KIF13A: variants seen among roughly 807,000 people sequenced by gnomAD.
KIF13A encodes the protein kinesin-like protein KIF13A.
In KIF13A, 79 loss-of-function variants were observed where a neutral mutation model predicts 212.2. That is an observed-to-expected ratio of 0.37 (90% CI 0.31 to 0.45). The LOEUF is 0.45. KIF13A is among the 20% of genes least tolerant of loss of function. KIF13A has a pLI of 1.00. For synonymous variants in KIF13A, 789 were observed against 808.6 expected, an observed-to-expected ratio of 0.98 and a Z score of 0.41; for missense variants, 1,901 against 2,209.0, an observed-to-expected ratio of 0.86 and a Z score of 2.79.
At chr6:17,812,615 T>C (rs1461687164) in intron 17 of KIF13A, 1 of 152,222 alleles carries the variant, frequency 6.6e-6, no homozygotes, top group Non-Finnish European at 1.5e-5. Context: ...TCTTTCCTAT[T>C]GTGAATAGCA....
In KIF13A at chr6:17,927,677, A is replaced by T. The variant is rs138843585; in HGVS notation, c.147-29497T>A. Among the ~76,000 whole-genome samples the T allele has an allele frequency of 1.6e-3, 244 of 152,350 alleles. 1 individual carries two copies. Among genetic ancestry groups the T allele is most frequent in the Admixed American group, 0.014 (211 of 15,298 alleles). ...GGCTAAAATGATCAATTTTAAGTAT[A>T]TTTTGCCACAATAAAAATATGAATC... On this transcript the variant is annotated intron_variant, in intron 2 of 38. Coordinates refer to ENST00000259711, the MANE Select transcript of KIF13A (RefSeq NM_022113.6).
intron 30 of KIF13A, 65 bp downstream of exon 30, chr6:17,781,112 G>T: frequency 6.3e-7 from 1 of 1,590,282 alleles, no homozygotes; most frequent in South Asian, 1.1e-5. Context: ...GCAGTTTAGT[G>T]AGCAGGCCCA....
At chr6:17,979,474 T>G (rs1019970470) in intron 2 of KIF13A, among the ~76,000 whole-genome samples, 6 of 152,164 alleles carry the variant, frequency 3.9e-5, no homozygotes, top group Non-Finnish European at 7.3e-5. Context: ...CTTTTAATAA[T>G]AATAGTAACT....
At chr6:17,840,030 GA>G (rs1482214320) in intron 9 of KIF13A, among the ~76,000 whole-genome samples, 1 of 152,116 alleles carries the variant, frequency 6.6e-6, no homozygotes, top group East Asian at 1.9e-4. Flanking sequence ...GAAATATCTA[GA>G]ATAGGCAAAT....
Position 17,771,920 on chromosome 6 carries a change from A to C in KIF13A, c.4464T>G (p.Leu1488=). The part of the protein sequence containing the change: ...KKRIALEARP[L]LSQESMPPPQ... ...GTCAAGCATTTACCTCCTGGCTTAG[A>C]AGAGGCCTTGCTTCCAGGGCTATCC... The change falls in exon 37 of 39, where the codon CTT becomes CTG. Residue 1488 remains leucine (L), a synonymous_variant. Coordinates refer to ENST00000259711, the MANE Select transcript of KIF13A (RefSeq NM_022113.6). The surrounding 1 kb of genome is among the most constrained non-coding windows in gnomAD (Gnocchi z 5.4). 1 of 1,613,998 alleles carries C rather than the reference A, an allele frequency of 6.2e-7. No individual in the cohort carries two copies. Among genetic ancestry groups the C allele is most frequent in the Non-Finnish European group, 8.5e-7 (1 of 1,179,870 alleles).
rs1048761532 is a variant in KIF13A at position 17,956,863 on chromosome 6, A to C, written c.146+30191T>G. Among the ~76,000 whole-genome samples the C allele has an allele frequency of 3.3e-5, 5 of 151,036 alleles. No individual in the cohort carries two copies. In the South Asian group the frequency reaches 1.1e-3, roughly 32 times the overall value. On this transcript the variant is annotated intron_variant, in intron 2 of 38. Coordinates refer to ENST00000259711, the MANE Select transcript of KIF13A (RefSeq NM_022113.6). ...TTTCCCCACTCAGTCTACTAGTATG[A>C]GATCACAACCTTTCTGTTCAATCAC...
intron 3 of KIF13A, among the ~76,000 whole-genome samples, chr6:17,889,507 A>G (rs1189417038): frequency 3.9e-5 from 6 of 152,226 alleles, no homozygotes; most frequent in Admixed American, 2.6e-4. Flanking sequence ...CTGAGTAAAA[A>G]AGAATATGAT....
At chr6:17,941,055 C>G (rs1216968310) in intron 2 of KIF13A, among the ~76,000 whole-genome samples, 1 of 152,044 alleles carries the variant, frequency 6.6e-6, no homozygotes, top group Non-Finnish European at 1.5e-5. Context: ...GAACTCCTGA[C>G]CTCAGGTGAT....
chr6:17,823,791 T>C (rs561004074), intron 16 of KIF13A, among the ~76,000 whole-genome samples: 1 of 151,406 alleles, frequency 6.6e-6, no homozygotes, highest in African/African-American at 2.4e-5. Context: ...TTAGTAGAGA[T>C]GGAGTTTCAC....
rs954767927 is a variant in KIF13A at position 17,849,073 on chromosome 6, G to A, written c.830+304C>T. Among the ~76,000 whole-genome samples the A allele has an allele frequency of 1.3e-5, 2 of 151,978 alleles. No homozygotes were observed. The highest frequency in any genetic ancestry group is 2.9e-5 in the Non-Finnish European group (2 of 67,964). Reference sequence around the variant, plus strand: ...GCTGGGGTTACCGGTGTGCGTGACCGTGCCTTTTTAGTAGAGATGGGGTTT... The same window carrying A: ...GCTGGGGTTACCGGTGTGCGTGACCATGCCTTTTTAGTAGAGATGGGGTTT... On this transcript the variant is annotated intron_variant, in intron 9 of 38. Coordinates refer to ENST00000259711, the MANE Select transcript of KIF13A (RefSeq NM_022113.6). This position sits in a 1 kb window ranked among gnomAD's most constrained non-coding sequence, Gnocchi z 5.7.
In KIF13A at chr6:17,856,234, G is replaced by T. The variant is rs141828095; in HGVS notation, c.221-112C>A. On this transcript the variant is annotated intron_variant, in intron 4 of 38. Transcript: ENST00000259711. This position sits in a 1 kb window ranked among gnomAD's most constrained non-coding sequence, Gnocchi z 4.5. ...AAAAAAATGTTAAAAGTGTAGTACC[G>T]AGTGCCCACTAAGTACAGGGCTGTG... is the stretch of plus-strand genomic sequence containing the variant. 15 of 709,896 alleles carry T rather than the reference G, an allele frequency of 2.1e-5. No homozygotes were observed. The highest frequency in any genetic ancestry group is 3.4e-5 in the Non-Finnish European group (14 of 416,750). 44.0% of individuals were successfully genotyped at this position (709,896 alleles called of 1,614,324 possible). A position where few individuals can be genotyped will look rare whatever the true frequency, so the allele number is the denominator to read the frequency against.
chr6:17,771,782 C>T lies in KIF13A; in HGVS notation c.4476+126G>A, dbSNP rs1474305145. ...TGCTTGAGAAAGAGGAATTCGAGAA[C>T]GGGAACCATGGAGTGATGACCGTGC... On this transcript the variant is annotated intron_variant, in intron 37 of 38. Transcript: ENST00000259711. This position sits in a 1 kb window ranked among gnomAD's most constrained non-coding sequence, Gnocchi z 5.4. 20 of 797,608 alleles carry T rather than the reference C, an allele frequency of 2.5e-5. No individual in the cohort carries two copies. The highest frequency in any genetic ancestry group is 1.3e-4 in the South Asian group (6 of 45,326). The allele number at this position is 797,608 out of a possible 1,614,324, so 49.4% of individuals were successfully genotyped here.
At chr6:17,817,955 T>C (rs1764096100) in intron 16 of KIF13A, among the ~76,000 whole-genome samples, 1 of 151,686 alleles carries the variant, frequency 6.6e-6, no homozygotes, top group African/African-American at 2.4e-5. Context: ...ATGATGGTTG[T>C]GGTATAGGTA....
rs183097559 is a variant in KIF13A at position 17,881,833 on chromosome 6, T to C, written c.160-8396A>G. On this transcript the variant is annotated intron_variant, in intron 3 of 38. Transcript: ENST00000259711. The stretch of plus-strand genomic sequence containing the variant: ...CAACATGGTGAAACCTTGTCTCTAC[T>C]GAAAATACAAAAATTAGCTGGGTAT... 5 of 352,668 alleles carry C rather than the reference T, an allele frequency of 1.4e-5. No homozygotes were observed. In the East Asian group the frequency reaches 3.0e-4, roughly 21 times the overall value. The allele number at this position is 352,668 out of a possible 1,614,324, so 21.8% of individuals were successfully genotyped here. A position where few individuals can be genotyped will look rare whatever the true frequency, so the allele number is the denominator to read the frequency against.
chr6:17,821,942 G>A, intron 16 of KIF13A: 1 of 1,533,458 alleles, frequency 6.5e-7, no homozygotes, highest in Non-Finnish European at 8.7e-7. Flanking sequence ...ACACCGTCCA[G>A]CCACCGGCAC....
At chr6:17,986,744 T>C (rs550889506) in intron 2 of KIF13A, among the ~76,000 whole-genome samples, 1 of 152,334 alleles carries the variant, frequency 6.6e-6, no homozygotes, top group East Asian at 1.9e-4. Flanking sequence ...GTCTGTAAAA[T>C]GTGGCCGCTG....
At chr6:17,819,504 G>A (rs1397264854) in intron 16 of KIF13A, among the ~76,000 whole-genome samples, 16 of 152,086 alleles carry the variant, frequency 1.1e-4, no homozygotes, top group Admixed American at 1.0e-3. Context: ...GGAGGTTGTA[G>A]TGAGCTGAGA....
downstream of KIF13A, among the ~76,000 whole-genome samples, chr6:17,763,067 G>A (rs539586661): frequency 1.3e-5 from 2 of 152,350 alleles, no homozygotes; most frequent in South Asian, 4.1e-4. Flanking sequence ...ACAAATGAAT[G>A]TGAATGGGAA....
intron 9 of KIF13A, among the ~76,000 whole-genome samples, chr6:17,847,872 C>T (rs1379640108): frequency 6.6e-6 from 1 of 151,964 alleles, no homozygotes; most frequent in Non-Finnish European, 1.5e-5. Context: ...AGTACAGTGG[C>T]GCGATCTCGG....
Sources: gnomAD v4.1 joint callset for allele counts (sites outside exome capture counted in the v4.1 genomes callset) on GRCh38, gnomAD v4.1.1 for gene constraint, Gnocchi (gnomAD v3.1) non-coding constraint, MANE v1.5 for transcripts, NCBI Gene and HGNC (gene_info 2026-07-23, HGNC 2026-07-21) for gene names.